The following GNPTAB variants were observed in gnomAD, a reference collection of about 807,000 sequenced individuals.
The protein encoded by GNPTAB is N-acetylglucosamine-1-phosphotransferase subunits alpha/beta.
A neutral mutation model predicts 136.6 loss-of-function variants in GNPTAB; 92 were observed. The observed-to-expected ratio is 0.67, with a 90% CI of 0.57 to 0.80. The LOEUF (loss-of-function observed/expected upper bound fraction) is 0.80, where lower values mean the gene tolerates loss of function less well. GNPTAB is among the 30% of genes least tolerant of loss of function. GNPTAB has a pLI of 0.00. For missense variants in GNPTAB, 1,343 were observed against 1,501.8 expected, an observed-to-expected ratio of 0.89 and a Z score of 1.75; for synonymous variants, 512 against 535.1, an observed-to-expected ratio of 0.96 and a Z score of 0.60.
At chr12:101,807,706 G>A (rs967327398) in intron 1 of GNPTAB, among the ~76,000 whole-genome samples, 6 of 152,162 alleles carry the variant, frequency 3.9e-5, no homozygotes, top group African/African-American at 1.4e-4. Flanking sequence ...CAGACTGGTG[G>A]ATCACCTGAG....
At chr12:101,771,951 T>G (rs182528833) in intron 7 of GNPTAB, among the ~76,000 whole-genome samples, 5 of 152,372 alleles carry the variant, frequency 3.3e-5, no homozygotes, top group African/African-American at 9.6e-5. Flanking sequence ...CATCTGCTAG[T>G]GGGGTGTCTG....
At chr12:101,811,091 AGACCCGTG>A (rs1295267044) in intron 1 of GNPTAB, among the ~76,000 whole-genome samples, 3 of 152,228 alleles carry the variant, frequency 2.0e-5, no homozygotes, top group Non-Finnish European at 1.5e-5. Context: ...GGAGGATGAG[AGACCCGTG>A]GAGCAGAGCC....
At chr12:101,821,210 C>A (rs1016316494) in intron 1 of GNPTAB, among the ~76,000 whole-genome samples, 1 of 152,208 alleles carries the variant, frequency 6.6e-6, no homozygotes, top group Non-Finnish European at 1.5e-5. Context: ...TCTGACTGCA[C>A]CACCAGAATA....
At chr12:101,765,575 C>G (rs113698977) in intron 12 of GNPTAB, 77 of 459,404 alleles carry the variant, frequency 1.7e-4, no homozygotes, top group African/African-American at 1.4e-3. Flanking sequence ...ACAACAGTTA[C>G]TGGTATAGGG....
In GNPTAB at chr12:101,757,670, A is replaced by G. The variant is rs772193028; in HGVS notation, c.3250-13T>C. ...TAGTGACCGGTGGCTATGAGAAAAT[A>G]TAAGTAGATCAGATATCACATCAGA... is the stretch of plus-strand genomic sequence containing the variant. On this transcript the variant is annotated splice_polypyrimidine_tract_variant and intron_variant, in intron 16 of 20. Coordinates refer to ENST00000299314, the MANE Select transcript of GNPTAB (RefSeq NM_024312.5). 3 of 1,305,370 alleles carry G rather than the reference A, an allele frequency of 2.3e-6. No homozygotes were observed. The highest frequency in any genetic ancestry group is 3.3e-6 in the Non-Finnish European group (3 of 899,216). The allele number at this position is 1,305,370 out of a possible 1,614,324, so 80.9% of individuals were successfully genotyped here.
chr12:101,798,024 C>T (rs929256175), intron 1 of GNPTAB, among the ~76,000 whole-genome samples: 2 of 152,142 alleles, frequency 1.3e-5, no homozygotes, highest in South Asian at 2.1e-4. Context: ...CCCTCTACCC[C>T]ACATTTTCTG....
intron 1 of GNPTAB, among the ~76,000 whole-genome samples, chr12:101,803,555 C>T (rs1045880037): frequency 6.6e-6 from 1 of 152,188 alleles, no homozygotes; most frequent in Non-Finnish European, 1.5e-5. Flanking sequence ...AGATGGATGA[C>T]CACTATTTAG....
Position 101,751,081 on chromosome 12 carries a change from C to T in GNPTAB, c.3603-1890G>A, listed in dbSNP as rs1177205389. Among the ~76,000 whole-genome samples the T allele has an allele frequency of 2.0e-5, 3 of 152,074 alleles. No homozygotes were observed. In the East Asian group the frequency reaches 5.8e-4, roughly 29 times the overall value. ...AATCATGAAGTCTGATCATGACAAA[C>T]ATCTAAAAAAAAAATCTCTCCTGGG... On this transcript the variant is annotated intron_variant, in intron 19 of 20. Coordinates refer to ENST00000299314, the MANE Select transcript of GNPTAB (RefSeq NM_024312.5).
chr12:101,820,243 A>G (rs1163972237), intron 1 of GNPTAB, among the ~76,000 whole-genome samples: 1 of 152,244 alleles, frequency 6.6e-6, no homozygotes, highest in Non-Finnish European at 1.5e-5. Flanking sequence ...TTCACTTAAG[A>G]ACTACAAGTA....
At chr12:101,815,091 G>T (rs1438716225) in intron 1 of GNPTAB, among the ~76,000 whole-genome samples, 2 of 152,162 alleles carry the variant, frequency 1.3e-5, no homozygotes, top group Non-Finnish European at 2.9e-5. Flanking sequence ...TATTGAGACA[G>T]GGTCTCATTT....
At chr12:101,815,018 G>A (rs1194832421) in intron 1 of GNPTAB, among the ~76,000 whole-genome samples, 4 of 152,166 alleles carry the variant, frequency 2.6e-5, no homozygotes, top group Non-Finnish European at 4.4e-5. Context: ...TGGGGTCCCA[G>A]GAGTCCCCAA....
At chr12:101,787,936 T>C (rs900355808) in intron 4 of GNPTAB, among the ~76,000 whole-genome samples, 6 of 140,008 alleles carry the variant, frequency 4.3e-5, no homozygotes, top group East Asian at 2.0e-4. Context: ...AAAAAGGCAC[T>C]TCTGGATCTT....
In GNPTAB at chr12:101,830,767, C is replaced by G. The variant is rs1594270189; in HGVS notation, c.-92G>C. On this transcript the variant is annotated 5_prime_UTR_variant, in exon 1 of 21. Transcript: ENST00000299314. Reference sequence around the variant, plus strand: ...CGAGCCGCCATTCAGGGGCCCCGGTCGGGCCGCCGCGCGCAGGTCACAGCC... The same window carrying G: ...CGAGCCGCCATTCAGGGGCCCCGGTGGGGCCGCCGCGCGCAGGTCACAGCC... 3.0e-6 allele frequency: 2 copies of G among 667,124 alleles called. No homozygotes were observed. Among genetic ancestry groups the G allele is most frequent in the Admixed American group, 5.9e-5 (2 of 34,012 alleles). The allele number at this position is 667,124 out of a possible 1,614,324, so 41.3% of individuals were successfully genotyped here. A position where few individuals can be genotyped will look rare whatever the true frequency, so the allele number is the denominator to read the frequency against.
chr12:101,758,761 TCTC>T (rs1165745542), intron 16 of GNPTAB, among the ~76,000 whole-genome samples: 16 of 152,210 alleles, frequency 1.1e-4, no homozygotes, highest in Non-Finnish European at 2.1e-4. Flanking sequence ...TCACACTGTG[TCTC>T]CTCATGAGGG....
At chr12:101,791,765 T>C (rs1285210876) in intron 2 of GNPTAB, among the ~76,000 whole-genome samples, 1 of 152,212 alleles carries the variant, frequency 6.6e-6, no homozygotes, top group Non-Finnish European at 1.5e-5. Flanking sequence ...ATAAATGCTA[T>C]TTGGTAGCTA....
At chr12:101,826,226 G>A (rs1361551438) in intron 1 of GNPTAB, among the ~76,000 whole-genome samples, 3 of 152,074 alleles carry the variant, frequency 2.0e-5, no homozygotes, top group African/African-American at 4.8e-5. Context: ...GAGAGGTCAC[G>A]GAAAAATTAC....
chr12:101,824,427 TATATATTTTC>T (rs1870974866), intron 1 of GNPTAB, among the ~76,000 whole-genome samples: 1 of 107,554 alleles, frequency 9.3e-6, no homozygotes, highest in African/African-American at 3.4e-5. Context: ...TATATATATA[TATATATTTTC>T]TTTTTTTTTT....
intron 11 of GNPTAB, 97 bp from the exon 12 acceptor site, chr12:101,766,391 A>G (rs1953094155): frequency 9.6e-7 from 1 of 1,041,208 alleles, no homozygotes; most frequent in African/African-American, 1.6e-5. Context: ...TAATCTCAAC[A>G]CTTTGGGAGG....
At chr12:101,795,695 G>A (rs1869240216) in intron 2 of GNPTAB, among the ~76,000 whole-genome samples, 1 of 151,994 alleles carries the variant, frequency 6.6e-6, no homozygotes, top group Non-Finnish European at 1.5e-5. Context: ...AGAGGTTGCA[G>A]TGAGCCGAAA....
Sources: allele counts gnomAD v4.1 joint callset (sites outside exome capture counted in the v4.1 genomes callset), GRCh38; gene constraint gnomAD v4.1.1; transcripts MANE v1.5; gene names NCBI Gene and HGNC (gene_info 2026-07-23, HGNC 2026-07-21).